The following NRG3 variants were observed in gnomAD, a reference collection of about 807,000 sequenced individuals.
The protein encoded by NRG3 is neuregulin 3.
NRG3 carries 31 observed loss-of-function variants against 66.9 expected under a neutral mutation model. The observed-to-expected ratio is 0.46, with a 90% CI of 0.35 to 0.63. NRG3 has a LOEUF of 0.63. NRG3 is among the 20% of genes least tolerant of loss of function. The pLI, the probability that NRG3 is intolerant of heterozygous loss-of-function variation, is 0.00. For synonymous variants in NRG3, 393 were observed against 359.4 expected (o/e 1.09, Z -1.06); for missense variants, 910 against 878.9 (o/e 1.04, Z -0.45).
chr10:81,932,816 T>G (rs1205616528), intron 1 of NRG3, among the ~76,000 whole-genome samples: 1 of 152,096 alleles, frequency 6.6e-6, no homozygotes, highest in Admixed American at 6.6e-5. Flanking sequence ...GTTCAGAAAT[T>G]TGTTCTTTCT....
At chr10:82,522,919 C>T (rs1211668188) in intron 2 of NRG3, among the ~76,000 whole-genome samples, 4 of 152,174 alleles carry the variant, frequency 2.6e-5, no homozygotes, top group Non-Finnish European at 5.9e-5. Flanking sequence ...TATTACCTCT[C>T]AATGCCCCAT....
intron 1 of NRG3, among the ~76,000 whole-genome samples, chr10:82,037,717 G>C (rs1362347450): frequency 6.6e-6 from 1 of 152,044 alleles, no homozygotes; most frequent in Non-Finnish European, 1.5e-5. Context: ...ACTTAAACTT[G>C]GTGAACCTCA....
intron 2 of NRG3, among the ~76,000 whole-genome samples, chr10:82,705,429 G>A (rs2134331689): frequency 6.6e-6 from 1 of 152,302 alleles, no homozygotes; most frequent in Non-Finnish European, 1.5e-5. Context: ...GTCCTCCAGG[G>A]CATTCAGATA....
At chr10:81,913,239 G>A (rs952655090) in intron 1 of NRG3, among the ~76,000 whole-genome samples, 3 of 152,162 alleles carry the variant, frequency 2.0e-5, no homozygotes, top group African/African-American at 7.2e-5. Flanking sequence ...GCTTCAAAGA[G>A]CAGAGCAGTG....
intron 2 of NRG3, among the ~76,000 whole-genome samples, chr10:82,411,515 A>AT (rs1195674636): frequency 6.6e-6 from 1 of 152,062 alleles, no homozygotes; most frequent in Non-Finnish European, 1.5e-5. Flanking sequence ...GGCATCAACA[A>AT]TTGCAAACGT....
chr10:82,066,445 CT>C (rs2133283882), intron 1 of NRG3, among the ~76,000 whole-genome samples: 1 of 152,196 alleles, frequency 6.6e-6, no homozygotes, highest in African/African-American at 2.4e-5. Flanking sequence ...TTATTTCTTA[CT>C]GTTACGTACT....
intron 1 of NRG3, among the ~76,000 whole-genome samples, chr10:81,981,271 A>G (rs929731255): frequency 1.4e-4 from 22 of 152,192 alleles, no homozygotes; most frequent in Non-Finnish European, 1.8e-4. Flanking sequence ...CAAGTTCCGT[A>G]TATTGAAAAT....
intron 3 of NRG3, among the ~76,000 whole-genome samples, chr10:82,748,775 G>A (rs1210970109): frequency 6.7e-6 from 1 of 149,736 alleles, no homozygotes; most frequent in Non-Finnish European, 1.5e-5. Context: ...TGTGGAAACT[G>A]AGAAAAATAA....
chr10:82,671,037 T>TTAGG (rs1327901472), intron 2 of NRG3, among the ~76,000 whole-genome samples: 1 of 152,122 alleles, frequency 6.6e-6, no homozygotes, highest in Non-Finnish European at 1.5e-5. Context: ...ACCTTCCCCC[T>TTAGG]TAGGTGGAAG....
At chr10:82,091,513 GA>G (rs2066024373) in intron 1 of NRG3, among the ~76,000 whole-genome samples, 1 of 152,112 alleles carries the variant, frequency 6.6e-6, no homozygotes, top group Admixed American at 6.5e-5. Context: ...TTTTAAGGCT[GA>G]ATTGGATTCC....
intron 2 of NRG3, among the ~76,000 whole-genome samples, chr10:82,564,909 A>G (rs898659618): frequency 6.6e-6 from 1 of 152,104 alleles, no homozygotes; most frequent in Non-Finnish European, 1.5e-5. Flanking sequence ...CTTTCTTTTA[A>G]TCTTGACAAA....
Position 82,326,531 on chromosome 10 carries a change from T to A in NRG3, c.824-32208T>A, listed in dbSNP as rs574544504. Among the ~76,000 whole-genome samples the A allele has an allele frequency of 9.2e-5, 14 of 152,284 alleles. No homozygotes were observed. In the East Asian group the frequency reaches 2.5e-3, roughly 27 times the overall value. On this transcript the variant is annotated intron_variant, in intron 1 of 8. Transcript: ENST00000372141. Reference sequence around the variant, plus strand: ...TTCTGGAACTCTACTTCTACATATGTTATATGCCTAATATATACTTTGAAG... The same window carrying A: ...TTCTGGAACTCTACTTCTACATATGATATATGCCTAATATATACTTTGAAG...
At chr10:82,470,318 A>G (rs973644556) in intron 2 of NRG3, among the ~76,000 whole-genome samples, 10 of 152,260 alleles carry the variant, frequency 6.6e-5, no homozygotes, top group African/African-American at 1.7e-4. Context: ...ATCTGTCCTC[A>G]CTACTCATGC....
At chr10:82,476,562 A>T (rs561315379) in intron 2 of NRG3, among the ~76,000 whole-genome samples, 17 of 152,338 alleles carry the variant, frequency 1.1e-4, no homozygotes, top group African/African-American at 3.6e-4. Flanking sequence ...TACAGCATGA[A>T]TGCATCTTGA....
chr10:82,864,320 A>G (rs1037109489), intron 3 of NRG3, among the ~76,000 whole-genome samples: 8 of 152,232 alleles, frequency 5.3e-5, no homozygotes, highest in African/African-American at 1.9e-4. Flanking sequence ...ATGTATATAT[A>G]TATTTTTTTC....
chr10:81,950,969 A>T (rs1460605098), intron 1 of NRG3, among the ~76,000 whole-genome samples: 1 of 152,296 alleles, frequency 6.6e-6, no homozygotes, highest in Non-Finnish European at 1.5e-5. Context: ...AAAAAAATTT[A>T]AAAATGCTAT....
chr10:82,294,434 AGT>A (rs35072007), intron 1 of NRG3, among the ~76,000 whole-genome samples: 9,708 of 148,848 alleles, frequency 0.065, 347 homozygotes, highest in African/African-American at 0.081. Context: ...CTACTGATGA[AGT>A]GTGTGTGTGT....
chr10:82,520,329 T>G (rs918991399), intron 2 of NRG3, among the ~76,000 whole-genome samples: 5 of 151,896 alleles, frequency 3.3e-5, no homozygotes, highest in Non-Finnish European at 2.9e-5. Flanking sequence ...GATCCAAATC[T>G]TCTAGTCTCC....
intron 4 of NRG3, among the ~76,000 whole-genome samples, chr10:82,895,176 A>T (rs1174492323): frequency 6.6e-6 from 1 of 152,114 alleles, no homozygotes; most frequent in Non-Finnish European, 1.5e-5. Flanking sequence ...CATTTCTATC[A>T]TGGCAATTTC....
Sources: gnomAD v4.1 joint callset for allele counts (sites outside exome capture counted in the v4.1 genomes callset) on GRCh38, gnomAD v4.1.1 for gene constraint, MANE v1.5 for transcripts, NCBI Gene and HGNC (gene_info 2026-07-23, HGNC 2026-07-21) for gene names.